TMX3: variants seen among roughly 807,000 people sequenced by gnomAD.
The protein encoded by TMX3 is thioredoxin related transmembrane protein 3, also known as protein disulfide-isomerase TMX3.
In TMX3, 40 loss-of-function variants were observed where a neutral mutation model predicts 64.4. The observed-to-expected ratio is 0.62, with a 90% CI of 0.48 to 0.81. The LOEUF (loss-of-function observed/expected upper bound fraction) is 0.81, where lower values mean the gene tolerates loss of function less well. Among genes scored for constraint, TMX3 ranks in the 30% least tolerant of loss-of-function variants. The pLI is 0.00. For synonymous variants in TMX3, 189 were observed against 175.7 expected (o/e 1.08, Z -0.60); for missense variants, 497 against 534.5 (o/e 0.93, Z 0.69).
rs2029920407 is a variant in TMX3, at chr18:68,700,420, G to A, written c.377C>T (p.Ala126Val). 1 of 1,576,398 alleles carries A rather than the reference G, an allele frequency of 6.3e-7. No homozygotes were observed. The highest frequency in any genetic ancestry group is 1.8e-5 in the Admixed American group (1 of 54,948). Residue 126 changes from alanine (A) to valine (V), a missense_variant, in exon 6 of 16, where the codon GCT (alanine) becomes GTT (valine). Ala to Val is a moderately conservative substitution (Grantham distance 64). Around this residue, in one of 3 missense-constraint regions of TMX3, gnomAD observed 360 missense variants for 383.5 expected, o/e 0.94. Transcript: ENST00000299608. ...PRTKDDIIEFAHRVSGALIRP... is the reference protein window; with the variant it reads ...PRTKDDIIEFVHRVSGALIRP... ...AATAACTTACCCAGATACTCTGTGA[G>A]CAAACTCAATAATATCATCTTTTGT...
Sources: allele counts gnomAD v4.1 joint callset, GRCh38; gene constraint gnomAD v4.1.1; regional missense constraint gnomAD v4.1.1; transcripts MANE v1.5; gene names NCBI Gene and HGNC (gene_info 2026-07-23, HGNC 2026-07-21).